Variants in PCDHGB6 observed in about 807,000 individuals in gnomAD.
PCDHGB6 encodes the protein protocadherin gamma subfamily B, 6, also known as protocadherin gamma-B6.
A neutral mutation model predicts 59.1 loss-of-function variants in PCDHGB6; 51 were observed. The observed-to-expected ratio is 0.86, with a 90% CI of 0.69 to 1.09. PCDHGB6 has a LOEUF of 1.09. Among genes scored for constraint, PCDHGB6 ranks in the 50% least tolerant of loss-of-function variants. PCDHGB6 has a pLI of 0.00. For synonymous variants in PCDHGB6, 466 were observed against 495.1 expected, an observed-to-expected ratio of 0.94 and a Z score of 0.78; for missense variants, 1,148 against 1,205.1, an observed-to-expected ratio of 0.95 and a Z score of 0.70.
chr5:141,421,970 A>C, intron 1 of PCDHGB6: 1 of 1,610,928 alleles, frequency 6.2e-7, no homozygotes, highest in Middle Eastern at 1.7e-4. Flanking sequence ...CAGTCCGTAT[A>C]TCGCGTGAGT....
At position 141,432,580 on chromosome 5, in the gene PCDHGB6, T is replaced by C. The variant is rs773087131; in HGVS notation, c.2418+21960T>C. 20 of 1,613,202 alleles carry C rather than the reference T, an allele frequency of 1.2e-5. No individual in the cohort carries two copies. The highest frequency in any genetic ancestry group is 4.0e-5 in the African/African-American group (3 of 74,662). On this transcript the variant is annotated intron_variant, in intron 1 of 3. Transcript: ENST00000520790. The surrounding 1 kb of genome is among the most constrained non-coding windows in gnomAD (Gnocchi z 6.0). ...GCCAGAACGCCTGGCTGTCCTACCG[T>C]CTGCTCAAGGCCAGCGAGCCGGGAC... is the stretch of plus-strand genomic sequence containing the variant.
Position 141,431,704 on chromosome 5 carries a change from C to T in PCDHGB6, c.2418+21084C>T. On this transcript the variant is annotated intron_variant, in intron 1 of 3. Transcript: ENST00000520790. The surrounding 1 kb of genome is among the most constrained non-coding windows in gnomAD (Gnocchi z 4.8). ...TGGACCACGAGGAGTCAGGATTCTA[C>T]CAGATGGAAGTGCAAGCAATGGATA... 1 of 1,614,194 alleles carries T rather than the reference C, an allele frequency of 6.2e-7. No homozygotes were observed. The highest frequency in any genetic ancestry group is 8.5e-7 in the Non-Finnish European group (1 of 1,180,036).
intron 1 of PCDHGB6, chr5:141,419,265 C>G: frequency 6.2e-7 from 1 of 1,614,040 alleles, no homozygotes; most frequent in Non-Finnish European, 8.5e-7. Context: ...CAGCCGGGTG[C>G]CTCCATAGCG....
At chr5:141,417,556 A>C (rs1240389709) in intron 1 of PCDHGB6, 1 of 333,096 alleles carries the variant, frequency 3.0e-6, no homozygotes, top group Non-Finnish European at 5.4e-6. Context: ...TGAAAGAGGT[A>C]GAGAAAAGTC....
At chr5:141,501,036 T>C (rs893597004) in intron 2 of PCDHGB6, among the ~76,000 whole-genome samples, 4 of 151,702 alleles carry the variant, frequency 2.6e-5, no homozygotes, top group Non-Finnish European at 4.4e-5. Flanking sequence ...GCCCAGCTAA[T>C]TTTTGTATTT....
intron 1 of PCDHGB6, chr5:141,428,217 C>A: frequency 8.3e-7 from 1 of 1,211,998 alleles, no homozygotes; most frequent in Non-Finnish European, 1.2e-6. Context: ...TTCACCTAGT[C>A]TTCGCAGACA....
chr5:141,436,635 A>G (rs953396225), intron 1 of PCDHGB6, among the ~76,000 whole-genome samples: 8 of 152,184 alleles, frequency 5.3e-5, no homozygotes, highest in African/African-American at 1.9e-4. Context: ...ACAACATGCA[A>G]TTAATTAACA....
At position 141,433,356 on chromosome 5, in the gene PCDHGB6, T is replaced by A. The variant is rs549297958; in HGVS notation, c.2418+22736T>A. On this transcript the variant is annotated intron_variant, in intron 1 of 3. Transcript: ENST00000520790. ...CTACAGGTGCAAGCCACCTACTGTC[T>A]GCCTATCTATCTATCTATCTATCTA... The A allele has an allele frequency of 8.4e-5, 51 of 607,892 alleles. No homozygotes were observed. The African/African-American group carries it at 9.5e-4, about 11-fold the overall frequency. 37.7% of individuals were successfully genotyped at this position (607,892 alleles called of 1,614,324 possible).
In PCDHGB6 at chr5:141,476,524, T is replaced by C. The variant is rs1350353768; in HGVS notation, c.2419-18283T>C. On this transcript the variant is annotated intron_variant, in intron 1 of 3. Coordinates refer to ENST00000520790, the MANE Select transcript of PCDHGB6 (RefSeq NM_018926.3). The surrounding 1 kb of genome is among the most constrained non-coding windows in gnomAD (Gnocchi z 7.6). ...TCAACGACAACAATCCTGCTTTCCC[T>C]ACCCAGGAAATGAAATTGGAGATTA... 6.2e-7 allele frequency: 1 copy of C among 1,614,182 alleles called. No individual in the cohort carries two copies. Among genetic ancestry groups the C allele is most frequent in the Non-Finnish European group, 8.5e-7 (1 of 1,180,028 alleles).
At chr5:141,504,666 G>T (rs2099839952) in intron 2 of PCDHGB6, among the ~76,000 whole-genome samples, 1 of 107,242 alleles carries the variant, frequency 9.3e-6, no homozygotes, top group South Asian at 3.6e-4. Context: ...AGGGCGGGGG[G>T]TGGGGGTTCT....
Position 141,432,084 on chromosome 5 carries a change from TG to T in PCDHGB6, c.2418+21466del. 6.2e-7 allele frequency: 1 copy of T among 1,614,186 alleles called. No homozygotes were observed. Among genetic ancestry groups the T allele is most frequent in the Non-Finnish European group, 8.5e-7 (1 of 1,180,034 alleles). ...ACGGAAACTCATATCTCGCTGAACG[TG>T]GCAGACACCAACGACAACCCGCCGG... On this transcript the variant is annotated intron_variant, in intron 1 of 3. Transcript: ENST00000520790. The surrounding 1 kb of genome is among the most constrained non-coding windows in gnomAD (Gnocchi z 6.0).
intron 2 of PCDHGB6, among the ~76,000 whole-genome samples, chr5:141,504,036 G>T (rs1472706342): frequency 6.6e-6 from 1 of 152,080 alleles, no homozygotes; most frequent in African/African-American, 2.4e-5. Flanking sequence ...ACTCATTTAG[G>T]CAACAAATAT....
At position 141,512,881 on chromosome 5, in the gene PCDHGB6, C is replaced by T. The variant is rs1274589284; in HGVS notation, c.*1708C>T. 1.3e-5 allele frequency: 2 copies of T among 152,268 alleles called. No homozygotes were observed. Among genetic ancestry groups the T allele is most frequent in the African/African-American group, 4.8e-5 (2 of 41,458 alleles). 9.4% of individuals were successfully genotyped at this position (152,268 alleles called of 1,614,324 possible). On this transcript the variant is annotated 3_prime_UTR_variant, in exon 4 of 4. Coordinates refer to ENST00000520790, the MANE Select transcript of PCDHGB6 (RefSeq NM_018926.3). Reference sequence around the variant, plus strand: ...TCGCATAGTCACGTAGCTCCCACCCCACCCTCTTCCTGTGTCTCACGCAAG... The same window carrying T: ...TCGCATAGTCACGTAGCTCCCACCCTACCCTCTTCCTGTGTCTCACGCAAG...
intron 1 of PCDHGB6, among the ~76,000 whole-genome samples, chr5:141,454,985 A>G (rs1292477757): frequency 1.3e-5 from 2 of 150,314 alleles, no homozygotes; most frequent in African/African-American, 4.9e-5. Context: ...TTTTTTAAAA[A>G]ATATTTTTAG....
chr5:141,500,184 T>TTTTATTTA (rs58019021), intron 2 of PCDHGB6, among the ~76,000 whole-genome samples: 1,392 of 135,954 alleles, frequency 0.01, 12 homozygotes, highest in South Asian at 0.02. Flanking sequence ...TCATTTTTAT[T>TTTTATTTA]TTTATTTATT....
At chr5:141,440,150 A>G (rs770863453) in intron 1 of PCDHGB6, 1 of 152,244 alleles carries the variant, frequency 6.6e-6, no homozygotes, top group African/African-American at 2.4e-5. Context: ...ACGCCCCCCA[A>G]TTATAGCTTG....
At chr5:141,415,401 G>T in intron 1 of PCDHGB6, 2 of 1,614,206 alleles carry the variant, frequency 1.2e-6, no homozygotes, top group Non-Finnish European at 1.7e-6. Context: ...TGTCCGGCTC[G>T]CACTTTGTGG....
chr5:141,505,803 C>A (rs920849273), intron 3 of PCDHGB6, among the ~76,000 whole-genome samples: 2 of 152,234 alleles, frequency 1.3e-5, no homozygotes, highest in African/African-American at 4.8e-5. Flanking sequence ...GGACTTGGAT[C>A]GACTTGCTCA....
chr5:141,451,597 C>A (rs2098719892), intron 1 of PCDHGB6, among the ~76,000 whole-genome samples: 1 of 152,076 alleles, frequency 6.6e-6, no homozygotes, highest in Admixed American at 6.6e-5. Context: ...AAGTGACATA[C>A]AAGGCTAGGC....
Sources: gnomAD v4.1 joint callset for allele counts (sites outside exome capture counted in the v4.1 genomes callset) on GRCh38, gnomAD v4.1.1 for gene constraint, Gnocchi (gnomAD v3.1) non-coding constraint, MANE v1.5 for transcripts, NCBI Gene and HGNC (gene_info 2026-07-23, HGNC 2026-07-21) for gene names.